Variants in STIM2 observed in about 807,000 individuals in gnomAD.
STIM2 encodes the protein stromal interaction molecule 2.
STIM2 carries 31 observed loss-of-function variants against 85.8 expected under a neutral mutation model. The ratio of observed to expected loss-of-function variants is 0.36; its 90% confidence interval spans 0.27 to 0.49. STIM2 has a LOEUF of 0.49. STIM2 is among the 20% of genes least tolerant of loss of function. The probability of loss-of-function intolerance (pLI) is 0.98; values close to 1 mark genes in which losing one functional copy is unlikely to be tolerated. For missense variants in STIM2, 841 were observed against 927.6 expected (o/e 0.91, Z 1.21); for synonymous variants, 356 against 331.1 (o/e 1.08, Z -0.82).
chr4:26,934,952 AT>A (rs1169178639), intron 2 of STIM2, among the ~76,000 whole-genome samples: 16 of 150,168 alleles, frequency 1.1e-4, no homozygotes, highest in Non-Finnish European at 2.1e-4. Context: ...AAGTTCACTT[AT>A]TTATACTAGT....
At chr4:27,018,019 G>A (rs776586617) in intron 11 of STIM2, 35 bp downstream of exon 11, 2 of 1,607,246 alleles carry the variant, frequency 1.2e-6, no homozygotes, top group African/African-American at 1.3e-5. Context: ...GGCATGTTGG[G>A]GCTGGGTTGG....
chr4:26,890,422 G>T (rs1723423671), intron 1 of STIM2, among the ~76,000 whole-genome samples: 1 of 152,112 alleles, frequency 6.6e-6, no homozygotes, highest in African/African-American at 2.4e-5. Context: ...ATGAATCGTG[G>T]GGCCAGATAG....
intron 2 of STIM2, among the ~76,000 whole-genome samples, chr4:26,949,817 A>G (rs1006416791): frequency 6.6e-6 from 1 of 152,038 alleles, no homozygotes; most frequent in African/African-American, 2.4e-5. Flanking sequence ...ATTCATTATC[A>G]GTGTTACTGC....
intron 3 of STIM2, among the ~76,000 whole-genome samples, chr4:26,960,796 GGCTCA>G (rs1726425576): frequency 1.3e-5 from 2 of 152,146 alleles, no homozygotes; most frequent in South Asian, 4.1e-4. Context: ...CAGGCGCAGT[GGCTCA>G]TGCCTGTAAT....
chr4:26,873,946 G>T, intron 1 of STIM2: 1 of 1,332,162 alleles, frequency 7.5e-7, no homozygotes, highest in East Asian at 2.4e-5. Context: ...TGCTCTTCTG[G>T]CTCAGGCTGT....
chr4:26,886,208 T>C (rs1197808220), intron 1 of STIM2, among the ~76,000 whole-genome samples: 19 of 152,164 alleles, frequency 1.2e-4, no homozygotes, highest in Admixed American at 1.2e-3. Flanking sequence ...TAAAGCTTTT[T>C]CTGTGTAGGA....
In STIM2 at chr4:26,860,924, C is replaced by T; in HGVS notation, c.-295C>T. 1 of 1,010,204 alleles carries T rather than the reference C, an allele frequency of 9.9e-7. No individual in the cohort carries two copies. The highest frequency in any genetic ancestry group is 1.2e-6 in the Non-Finnish European group (1 of 824,204). 62.6% of individuals were successfully genotyped at this position (1,010,204 alleles called of 1,614,324 possible). A position where few individuals can be genotyped will look rare whatever the true frequency, so the allele number is the denominator to read the frequency against. ...GACGCCGTACCTTTCTACCCCCCAC[C>T]TTTTTTTTTTTTTTTTTTAAATAAC... On this transcript the variant is annotated 5_prime_UTR_variant, in exon 1 of 12. Transcript: ENST00000467087.
In STIM2 at chr4:26,919,505, T is replaced by A. The variant is rs373220365; in HGVS notation, c.153T>A (p.Asp51Glu). The change falls in exon 2 of 12, where the codon GAT becomes GAA. Residue 51 changes from aspartate to glutamate, a missense_variant and splice_region_variant. Asp to Glu is a conservative substitution (Grantham distance 45). This residue lies in a region of STIM2 where 140 missense variants were observed against 117.7 expected (regional missense o/e 1.19). Transcript: ENST00000467087. Reference sequence around the variant, plus strand: ...TAATTGCCCTTTGTTCTCTTTCAGATCCCTGCATGTCACTGAGTCCACCAT... The same window carrying A: ...TAATTGCCCTTTGTTCTCTTTCAGAACCCTGCATGTCACTGAGTCCACCAT... The A allele has an allele frequency of 3.7e-6, 6 of 1,613,354 alleles. No homozygotes were observed. Among genetic ancestry groups the A allele is most frequent in the South Asian group, 1.1e-5 (1 of 91,034 alleles).
At chr4:26,880,277 A>G (rs916842710) in intron 1 of STIM2, among the ~76,000 whole-genome samples, 3 of 151,928 alleles carry the variant, frequency 2.0e-5, no homozygotes, top group Non-Finnish European at 4.4e-5. Flanking sequence ...ATCTTTTTGC[A>G]TGTCTGGATG....
intron 3 of STIM2, among the ~76,000 whole-genome samples, chr4:26,976,082 G>C (rs998611755): frequency 1.3e-5 from 2 of 152,228 alleles, no homozygotes; most frequent in African/African-American, 4.8e-5. Context: ...CTCCTTGTCT[G>C]CTGGTTGCTA....
intron 2 of STIM2, among the ~76,000 whole-genome samples, chr4:26,955,840 A>G (rs192709875): frequency 6.6e-6 from 1 of 152,136 alleles, no homozygotes; most frequent in East Asian, 1.9e-4. Flanking sequence ...TGCTGACACT[A>G]CTCTGCTGAA....
chr4:26,918,125 A>G (rs1376863092), intron 1 of STIM2, among the ~76,000 whole-genome samples: 2 of 152,060 alleles, frequency 1.3e-5, no homozygotes, highest in African/African-American at 4.8e-5. Context: ...TTCTAAGACT[A>G]AAGAAATTAA....
intron 1 of STIM2, among the ~76,000 whole-genome samples, chr4:26,891,591 A>C (rs984604740): frequency 2.2e-5 from 3 of 138,534 alleles, no homozygotes; most frequent in African/African-American, 8.2e-5. Flanking sequence ...ACACACACAC[A>C]CACACACCCC....
At chr4:26,876,739 A>G (rs1235702011) in intron 1 of STIM2, among the ~76,000 whole-genome samples, 1 of 152,208 alleles carries the variant, frequency 6.6e-6, no homozygotes, top group Non-Finnish European at 1.5e-5. Flanking sequence ...GCAGAAAACT[A>G]TAGTATGTGT....
intron 10 of STIM2, among the ~76,000 whole-genome samples, chr4:27,010,714 G>A (rs1412159256): frequency 1.3e-5 from 2 of 152,050 alleles, no homozygotes; most frequent in Non-Finnish European, 2.9e-5. Flanking sequence ...AATTTTACAA[G>A]TTTGAAATAA....
chr4:26,909,616 A>T (rs145439391), intron 1 of STIM2, among the ~76,000 whole-genome samples: 6 of 152,324 alleles, frequency 3.9e-5, no homozygotes, highest in African/African-American at 1.4e-4. Flanking sequence ...TATAGTTAAG[A>T]TAGTATTAAT....
At chr4:27,008,151 AC>A (rs1325181056) in intron 8 of STIM2, 4 of 588,354 alleles carry the variant, frequency 6.8e-6, no homozygotes, top group Non-Finnish European at 1.2e-5. Flanking sequence ...TTCTTCTGTT[AC>A]TTTTAGTACA....
chr4:26,987,997 A>G (rs1312603610), intron 3 of STIM2, among the ~76,000 whole-genome samples: 1 of 152,232 alleles, frequency 6.6e-6, no homozygotes, highest in Non-Finnish European at 1.5e-5. Flanking sequence ...CATGTGTGTG[A>G]TCACTTGGCC....
intron 10 of STIM2, among the ~76,000 whole-genome samples, chr4:27,009,259 G>T (rs1728481137): frequency 6.6e-6 from 1 of 151,868 alleles, no homozygotes; most frequent in Admixed American, 6.6e-5. Flanking sequence ...TTATAAATTT[G>T]ATTATTAAGT....
Sources: gnomAD v4.1 joint callset for allele counts (sites outside exome capture counted in the v4.1 genomes callset) on GRCh38, gnomAD v4.1.1 for gene constraint, gnomAD v4.1.1 regional missense constraint, MANE v1.5 for transcripts, NCBI Gene and HGNC (gene_info 2026-07-23, HGNC 2026-07-21) for gene names.